Variants in GLT1D1 observed in about 807,000 individuals in gnomAD.
GLT1D1 encodes glycosyltransferase 1 domain-containing protein 1.
In GLT1D1, 21 loss-of-function variants were observed where a neutral mutation model predicts 28.7. That is an observed-to-expected ratio of 0.73 (90% CI 0.52 to 1.05). The LOEUF (loss-of-function observed/expected upper bound fraction) is 1.05, where lower values mean the gene tolerates loss of function less well. GLT1D1 is among the 50% of genes least tolerant of loss of function. GLT1D1 has a pLI of 0.00. For synonymous variants in GLT1D1, 147 were observed against 124.8 expected (o/e 1.18, Z -1.19); for missense variants, 343 against 330.6 (o/e 1.04, Z -0.29).
At chr12:128,907,053 T>C (rs1459060199) in intron 4 of GLT1D1, 3 of 679,658 alleles carry the variant, frequency 4.4e-6, no homozygotes, top group Middle Eastern at 2.3e-4. Context: ...CATGCTGTCT[T>C]TTGAGCTACT....
At chr12:128,897,813 C>A (rs561271747) in intron 3 of GLT1D1, among the ~76,000 whole-genome samples, 3 of 151,522 alleles carry the variant, frequency 2.0e-5, no homozygotes, top group African/African-American at 7.3e-5. Context: ...GGACTACAGG[C>A]GCCCGCCACC....
intron 7 of GLT1D1, among the ~76,000 whole-genome samples, chr12:128,967,675 G>C (rs1429361639): frequency 1.3e-5 from 2 of 152,234 alleles, no homozygotes; most frequent in Non-Finnish European, 2.9e-5. Context: ...GAGAACCCAG[G>C]GAGAAATTCC....
intron 3 of GLT1D1, among the ~76,000 whole-genome samples, chr12:128,895,065 C>T (rs895748845): frequency 7.2e-5 from 11 of 152,014 alleles, no homozygotes; most frequent in African/African-American, 2.2e-4. Flanking sequence ...GAGCACTTTT[C>T]TACTTTCTGG....
chr12:128,862,852 T>C (rs1238950616), intron 1 of GLT1D1, among the ~76,000 whole-genome samples: 1 of 152,196 alleles, frequency 6.6e-6, no homozygotes, highest in African/African-American at 2.4e-5. Context: ...CATTCTAGCA[T>C]GGAAGACAGA....
Position 128,926,346 on chromosome 12 carries a change from T to A in GLT1D1, c.376-18980T>A. 1 of 1,396,906 alleles carries A rather than the reference T, an allele frequency of 7.2e-7. No individual in the cohort carries two copies. The highest frequency in any genetic ancestry group is 9.8e-7 in the Non-Finnish European group (1 of 1,020,802). The allele number at this position is 1,396,906 out of a possible 1,614,324, so 86.5% of individuals were successfully genotyped here. ...CCTCCCCACTGAAAACATTCTGAACTCTTCTCTTACAGAGATTAACCAAAG... is the reference window on the plus strand; with the variant it reads ...CCTCCCCACTGAAAACATTCTGAACACTTCTCTTACAGAGATTAACCAAAG... On this transcript the variant is annotated intron_variant, in intron 4 of 7. Coordinates refer to ENST00000281703, the MANE Select transcript of GLT1D1 (RefSeq NM_144669.3).
chr12:128,867,628 C>A (rs1566085605), intron 1 of GLT1D1, among the ~76,000 whole-genome samples: 1 of 152,064 alleles, frequency 6.6e-6, no homozygotes, highest in Non-Finnish European at 1.5e-5. Context: ...CCCTCTGCCT[C>A]GGGGGTCCCC....
chr12:128,939,860 T>C, intron 4 of GLT1D1, among the ~76,000 whole-genome samples: 1 of 87,044 alleles, frequency 1.1e-5, no homozygotes, highest in Non-Finnish European at 2.2e-5. Context: ...GCCGATCCAA[T>C]CACCTCCTAC....
At chr12:128,916,111 C>G (rs567803700) in intron 4 of GLT1D1, among the ~76,000 whole-genome samples, 4 of 152,178 alleles carry the variant, frequency 2.6e-5, no homozygotes, top group Non-Finnish European at 4.4e-5. Context: ...TAAGTGGAGT[C>G]ATGCATTGAA....
intron 7 of GLT1D1, among the ~76,000 whole-genome samples, chr12:128,959,519 C>A (rs1408750845): frequency 6.7e-6 from 1 of 150,130 alleles, no homozygotes; most frequent in Non-Finnish European, 1.5e-5. Flanking sequence ...TTGCAAGTCG[C>A]AAGGTATCAG....
intron 4 of GLT1D1, chr12:128,914,953 G>A (rs760181717): frequency 3.6e-5 from 55 of 1,535,814 alleles, no homozygotes; most frequent in African/African-American, 3.0e-4. Flanking sequence ...AACACCAAAC[G>A]CCGCTTTTAA....
intron 4 of GLT1D1, among the ~76,000 whole-genome samples, chr12:128,926,082 C>T (rs1440534322): frequency 6.6e-6 from 1 of 151,690 alleles, no homozygotes; most frequent in African/African-American, 2.4e-5. Context: ...CCCAGCTACT[C>T]AGGAGGCTGA....
At chr12:128,910,008 C>T (rs1169725086) in intron 4 of GLT1D1, among the ~76,000 whole-genome samples, 1 of 152,244 alleles carries the variant, frequency 6.6e-6, no homozygotes, top group Non-Finnish European at 1.5e-5. Context: ...TTTTCAAAAT[C>T]AATATAAGCC....
chr12:128,905,007 G>A (rs1402555747), intron 4 of GLT1D1, among the ~76,000 whole-genome samples: 1 of 152,132 alleles, frequency 6.6e-6, no homozygotes, highest in African/African-American at 2.4e-5. Flanking sequence ...GACCTCAAGT[G>A]ATCTGCCCAC....
intron 7 of GLT1D1, among the ~76,000 whole-genome samples, chr12:128,976,175 A>G (rs1879743827): frequency 1.3e-5 from 2 of 152,218 alleles, no homozygotes; most frequent in Non-Finnish European, 2.9e-5. Flanking sequence ...AACAAAATAA[A>G]TCTGTCCCAT....
At chr12:128,931,370 C>G (rs708368) in intron 4 of GLT1D1, among the ~76,000 whole-genome samples, 54,654 of 146,156 alleles carry the variant, frequency 0.37, 10,752 homozygotes, top group East Asian at 0.68. Flanking sequence ...TGCAGTGGTG[C>G]GATCTCGGCT....
intron 3 of GLT1D1, among the ~76,000 whole-genome samples, chr12:128,898,472 T>C (rs1304524731): frequency 2.0e-5 from 3 of 152,218 alleles, no homozygotes; most frequent in Non-Finnish European, 4.4e-5. Context: ...CCACTGTGCC[T>C]GGCCTGAATT....
chr12:128,879,714 C>T (rs911420624), intron 2 of GLT1D1, among the ~76,000 whole-genome samples: 1 of 152,124 alleles, frequency 6.6e-6, no homozygotes, highest in African/African-American at 2.4e-5. Context: ...GCCTCGGCCT[C>T]CCAAAGTGCT....
At chr12:128,913,362 G>T (rs1871744813) in intron 4 of GLT1D1, among the ~76,000 whole-genome samples, 1 of 152,012 alleles carries the variant, frequency 6.6e-6, no homozygotes, top group Non-Finnish European at 1.5e-5. Flanking sequence ...TGGGATTACA[G>T]GTGCCCCCCC....
At position 128,954,912 on chromosome 12, in the gene GLT1D1, C is replaced by T. The variant is rs1194152660; in HGVS notation, c.541-2633C>T. ...AATGTTGCAGTGAGCTGAGATTGAG[C>T]CACGGCATTCCAGCCCGGGCAACAG... On this transcript the variant is annotated intron_variant, in intron 6 of 7. Transcript: ENST00000281703. Among the ~76,000 whole-genome samples the T allele has an allele frequency of 3.3e-5, 5 of 152,196 alleles. No homozygotes were observed. The South Asian group carries it at 6.2e-4, about 19-fold the overall frequency.
Sources: allele counts gnomAD v4.1 joint callset (sites outside exome capture counted in the v4.1 genomes callset), GRCh38; gene constraint gnomAD v4.1.1; transcripts MANE v1.5; gene names NCBI Gene and HGNC (gene_info 2026-07-23, HGNC 2026-07-21).